LRRFIP1: variants seen among roughly 807,000 people sequenced by gnomAD.
The protein encoded by LRRFIP1 is leucine-rich repeat flightless-interacting protein 1.
In LRRFIP1, 62 loss-of-function variants were observed where a neutral mutation model predicts 104.4. That is an observed-to-expected ratio of 0.59 (90% CI 0.48 to 0.73). The LOEUF is 0.73. Ranked by LOEUF, LRRFIP1 falls within the 30% of genes least tolerant of loss-of-function variation. The probability of loss-of-function intolerance (pLI) is 0.00; values close to 1 mark genes in which losing one functional copy is unlikely to be tolerated. For missense variants in LRRFIP1, 796 were observed against 824.5 expected, an observed-to-expected ratio of 0.97 and a Z score of 0.42; for synonymous variants, 300 against 299.0, an observed-to-expected ratio of 1.00 and a Z score of -0.03.
At position 237,649,446 on chromosome 2, in the gene LRRFIP1, G is replaced by A. The variant is rs1185304461; in HGVS notation, c.96+21706G>A. 6.6e-6 allele frequency among the ~76,000 whole-genome samples: 1 copy of A among 151,974 alleles called. No individual in the cohort carries two copies. The highest frequency in any genetic ancestry group is 1.9e-4 in the East Asian group (1 of 5,194). On this transcript the variant is annotated intron_variant, in intron 1 of 23. Transcript: ENST00000308482. This position sits in a 1 kb window ranked among gnomAD's most constrained non-coding sequence, Gnocchi z 4.1. ...CTGGGGAGGCTGAGGCGGGAGAATT[G>A]CTTGAGCCCAGGACGTGGAGGCTGC...
chr2:237,636,948 T>C (rs973208899), intron 1 of LRRFIP1, among the ~76,000 whole-genome samples: 1 of 152,180 alleles, frequency 6.6e-6, no homozygotes, highest in Non-Finnish European at 1.5e-5. Context: ...TGCCTGCAGG[T>C]GGAGTTTTGT....
At chr2:237,653,421 A>C (rs1267424425) in intron 1 of LRRFIP1, among the ~76,000 whole-genome samples, 2 of 152,240 alleles carry the variant, frequency 1.3e-5, no homozygotes, top group Non-Finnish European at 2.9e-5. Context: ...TATTGTTAAA[A>C]TGCCCATGCT....
chr2:237,643,587 G>T (rs903412225), intron 1 of LRRFIP1, among the ~76,000 whole-genome samples: 1 of 152,254 alleles, frequency 6.6e-6, no homozygotes, highest in Non-Finnish European at 1.5e-5. Context: ...TTGAGGATCT[G>T]CTCCCTCTCA....
chr2:237,719,105 C>A (rs1342172028), intron 4 of LRRFIP1, among the ~76,000 whole-genome samples: 1 of 152,068 alleles, frequency 6.6e-6, no homozygotes, highest in Non-Finnish European at 1.5e-5. Context: ...TCTTAGAATC[C>A]ACAATACATA....
chr2:237,648,379 C>G (rs2085322936), intron 1 of LRRFIP1, among the ~76,000 whole-genome samples: 1 of 151,944 alleles, frequency 6.6e-6, no homozygotes, highest in Non-Finnish European at 1.5e-5. Flanking sequence ...TTATGTGGCA[C>G]ACATCAAAAG....
chr2:237,717,774 C>A lies in LRRFIP1; in HGVS notation c.214C>A (p.Leu72Met). The A allele has an allele frequency of 6.2e-7, 1 of 1,612,676 alleles. No individual in the cohort carries two copies. ...CTTCTGTCTATAGAAATATTATGGG[C>A]TGGATACAAAATGGGGTGACATCGA... ...IYQVQKKYYG[L>M]DTKWGDIEQW... The change falls in exon 4 of 24, where the codon CTG becomes ATG. Residue 72 changes from leucine to methionine, a missense_variant. Physicochemically the swap from Leu to Met is conservative, Grantham distance 15. Transcript: ENST00000308482. This position sits in a 1 kb window ranked among gnomAD's most constrained non-coding sequence, Gnocchi z 4.2.
At chr2:237,645,433 G>T (rs1226415711) in intron 1 of LRRFIP1, among the ~76,000 whole-genome samples, 2 of 148,582 alleles carry the variant, frequency 1.3e-5, no homozygotes, top group Admixed American at 1.3e-4. Context: ...CACTGCTGGG[G>T]ACATGGACTC....
At chr2:237,731,671 A>G (rs2150332543) in intron 8 of LRRFIP1, among the ~76,000 whole-genome samples, 1 of 152,328 alleles carries the variant, frequency 6.6e-6, no homozygotes, top group Admixed American at 6.5e-5. Flanking sequence ...CGATAAGCTG[A>G]GTTACTTGCT....
In LRRFIP1 at chr2:237,639,664, A is replaced by G. The variant is rs539205672; in HGVS notation, c.96+11924A>G. ...AACCAATGCCTGGAGCCGGCTCCAGAGGAATTGCCACATGAGTTGAGATGA... is the reference window on the plus strand; with the variant it reads ...AACCAATGCCTGGAGCCGGCTCCAGGGGAATTGCCACATGAGTTGAGATGA... On this transcript the variant is annotated intron_variant, in intron 1 of 23. Coordinates refer to ENST00000308482, the MANE Select transcript of LRRFIP1 (RefSeq NM_001137550.2). Among the ~76,000 whole-genome samples the G allele has an allele frequency of 2.0e-5, 3 of 152,306 alleles. No homozygotes were observed. The East Asian group carries it at 5.8e-4, about 29-fold the overall frequency.
intron 9 of LRRFIP1, 31 bp downstream of exon 9, chr2:237,733,849 A>G: frequency 6.3e-7 from 1 of 1,577,124 alleles, no homozygotes; most frequent in South Asian, 1.1e-5. Flanking sequence ...GCTGCCCCGC[A>G]CCCCCTCCCA....
intron 14 of LRRFIP1, among the ~76,000 whole-genome samples, chr2:237,752,521 GC>G (rs2058746461): frequency 6.6e-6 from 1 of 152,216 alleles, no homozygotes; most frequent in South Asian, 2.1e-4. Flanking sequence ...GGTCCCTCCA[GC>G]CCCCTGGTAG....
chr2:237,662,082 C>T (rs193145049), intron 1 of LRRFIP1, among the ~76,000 whole-genome samples: 22 of 152,304 alleles, frequency 1.4e-4, no homozygotes, highest in African/African-American at 4.8e-4. Context: ...AGGTGGGTTC[C>T]TTCTGGAGGC....
intron 19 of LRRFIP1, chr2:237,765,594 G>A: frequency 2.1e-5 from 20 of 974,228 alleles, no homozygotes; most frequent in Non-Finnish European, 2.3e-5. Context: ...AATCACTTTT[G>A]GTATTTTGGT....
intron 23 of LRRFIP1, among the ~76,000 whole-genome samples, chr2:237,774,844 G>A (rs181501810): frequency 6.6e-6 from 1 of 152,382 alleles, no homozygotes; most frequent in East Asian, 1.9e-4. Flanking sequence ...AGAGCTGGGT[G>A]TGGCACCAGG....
rs577489207 is a variant in LRRFIP1, at chr2:237,703,842, G to T, written c.97-4702G>T. Among the ~76,000 whole-genome samples, 1 of 152,200 alleles carries T rather than the reference G, an allele frequency of 6.6e-6. No individual in the cohort carries two copies. Among genetic ancestry groups the T allele is most frequent in the East Asian group, 1.9e-4 (1 of 5,168 alleles). On this transcript the variant is annotated intron_variant, in intron 1 of 23. Coordinates refer to ENST00000308482, the MANE Select transcript of LRRFIP1 (RefSeq NM_001137550.2). This position sits in a 1 kb window ranked among gnomAD's most constrained non-coding sequence, Gnocchi z 4.3. ...GTTCACAGCACAGTGCATTCCTGTG[G>T]CCTCCCCGGGCCACGGTCAGCCCAC...
In LRRFIP1 at chr2:237,753,345, G is replaced by A. The variant is rs2058865764; in HGVS notation, c.904G>A (p.Ala302Thr). Residue 302 changes from alanine (A) to threonine (T), a missense_variant, in exon 15 of 24, where the codon GCT (alanine) becomes ACT (threonine). Ala to Thr is a moderately conservative substitution (Grantham distance 58). Coordinates refer to ENST00000308482, the MANE Select transcript of LRRFIP1 (RefSeq NM_001137550.2). ...AGAAGTTGAAGAGAAATATAAGAAG[G>A]CTATGGTTTCCAATGCTCAGCTAGA... ...LAEVEEKYKK[A>T]MVSNAQLDNE... The A allele has an allele frequency of 6.3e-7, 1 of 1,598,228 alleles. No homozygotes were observed. The highest frequency in any genetic ancestry group is 1.1e-5 in the South Asian group (1 of 87,434).
In LRRFIP1 at chr2:237,780,427, A is replaced by T. The variant is rs1365229741; in HGVS notation, c.*895A>T. 1 of 149,632 alleles carries T rather than the reference A, an allele frequency of 6.7e-6. No homozygotes were observed. The allele number at this position is 149,632 out of a possible 1,614,324, so 9.3% of individuals were successfully genotyped here. A position where few individuals can be genotyped will look rare whatever the true frequency, so the allele number is the denominator to read the frequency against. On this transcript the variant is annotated 3_prime_UTR_variant, in exon 24 of 24. Coordinates refer to ENST00000308482, the MANE Select transcript of LRRFIP1 (RefSeq NM_001137550.2). Reference sequence around the variant, plus strand: ...TTTTTTAAGAATATCAAGTCAATTCATTTTTCTTTCCCTATTTAAAAAAAA... The same window carrying T: ...TTTTTTAAGAATATCAAGTCAATTCTTTTTTCTTTCCCTATTTAAAAAAAA...
intron 1 of LRRFIP1, among the ~76,000 whole-genome samples, chr2:237,635,853 A>G (rs886357409): frequency 4.6e-5 from 7 of 152,002 alleles, no homozygotes; most frequent in Admixed American, 2.0e-4. Context: ...AATTCCAACA[A>G]TTTGGGAGGG....
At chr2:237,652,553 G>T (rs1230099456) in intron 1 of LRRFIP1, among the ~76,000 whole-genome samples, 1 of 152,242 alleles carries the variant, frequency 6.6e-6, no homozygotes, top group Non-Finnish European at 1.5e-5. Flanking sequence ...AAGTGAAATA[G>T]AATTACCATA....
Sources: gnomAD v4.1 joint callset for allele counts (sites outside exome capture counted in the v4.1 genomes callset) on GRCh38, gnomAD v4.1.1 for gene constraint, Gnocchi (gnomAD v3.1) non-coding constraint, MANE v1.5 for transcripts, NCBI Gene and HGNC (gene_info 2026-07-23, HGNC 2026-07-21) for gene names.